The following VGLL4 variants were observed in gnomAD, a reference collection of about 807,000 sequenced individuals.
VGLL4 encodes transcription cofactor vestigial-like protein 4.
VGLL4 carries 7 observed loss-of-function variants against 21.0 expected under a neutral mutation model. The observed-to-expected ratio is 0.33, with a 90% CI of 0.19 to 0.63. The LOEUF is 0.63. Ranked by LOEUF, VGLL4 falls within the 20% of genes least tolerant of loss-of-function variation. The pLI, the probability that VGLL4 is intolerant of heterozygous loss-of-function variation, is 0.78. For missense variants in VGLL4, 394 were observed against 425.7 expected, an observed-to-expected ratio of 0.93 and a Z score of 0.66; for synonymous variants, 222 against 173.2, an observed-to-expected ratio of 1.28 and a Z score of -2.21.
chr3:11,579,217 T>TAAAAAAAAAA (rs34908529), intron 2 of VGLL4, among the ~76,000 whole-genome samples: 1 of 134,634 alleles, frequency 7.4e-6, no homozygotes, highest in Non-Finnish European at 1.6e-5. Flanking sequence ...GCTAACTTTC[T>TAAAAAAAAAA]AAAAAAAAAA....
intron 2 of VGLL4, among the ~76,000 whole-genome samples, chr3:11,673,158 T>C (rs2076241087): frequency 6.6e-6 from 1 of 152,016 alleles, no homozygotes. Flanking sequence ...ACCAGATATC[T>C]GAGGAAAGCT....
At chr3:11,707,891 T>C (rs1264536724) in intron 1 of VGLL4, among the ~76,000 whole-genome samples, 5 of 152,172 alleles carry the variant, frequency 3.3e-5, no homozygotes, top group African/African-American at 1.2e-4. Flanking sequence ...CTGCATTTTA[T>C]GTCTTATATA....
At chr3:11,620,955 G>A (rs1344991908) in intron 1 of VGLL4, among the ~76,000 whole-genome samples, 1 of 152,202 alleles carries the variant, frequency 6.6e-6, no homozygotes, top group East Asian at 1.9e-4. Flanking sequence ...TGTCCAGAGA[G>A]CAGCAGTGAA....
At chr3:11,670,486 G>C (rs573138104) in intron 2 of VGLL4, among the ~76,000 whole-genome samples, 1 of 152,126 alleles carries the variant, frequency 6.6e-6, no homozygotes, top group Non-Finnish European at 1.5e-5. Flanking sequence ...AGGTATGCAC[G>C]CAGCTCTACT....
chr3:11,613,867 C>A (rs1424665485), intron 1 of VGLL4, among the ~76,000 whole-genome samples: 1 of 152,190 alleles, frequency 6.6e-6, no homozygotes, highest in Admixed American at 6.5e-5. Context: ...GTCCTTCTCG[C>A]TACTCATGAC....
At chr3:11,602,794 T>C (rs73025177) in intron 1 of VGLL4, among the ~76,000 whole-genome samples, 15,137 of 152,250 alleles carry the variant, frequency 0.099, 976 homozygotes, top group East Asian at 0.25. Context: ...AGGCAATCAC[T>C]TTGTGCCTCG....
intron 2 of VGLL4, among the ~76,000 whole-genome samples, chr3:11,655,936 C>T (rs537387443): frequency 1.3e-5 from 2 of 152,240 alleles, no homozygotes; most frequent in Non-Finnish European, 2.9e-5. Flanking sequence ...TGGGTGACCA[C>T]TAAACATTTC....
intron 1 of VGLL4, chr3:11,604,244 C>T (rs562937021): frequency 3.0e-5 from 13 of 440,234 alleles, no homozygotes; most frequent in Non-Finnish European, 3.6e-5. Flanking sequence ...AGCTTGCCGG[C>T]GCCGGAAGGA....
intron 2 of VGLL4, among the ~76,000 whole-genome samples, chr3:11,599,561 C>A (rs1410958686): frequency 1.1e-3 from 1 of 896 alleles, no homozygotes; most frequent in Admixed American, 0.014. Context: ...GCTCTGTCAC[C>A]CAGGCTGAGT....
At chr3:11,683,615 G>A (rs910825191) in intron 2 of VGLL4, among the ~76,000 whole-genome samples, 7 of 151,924 alleles carry the variant, frequency 4.6e-5, no homozygotes, top group East Asian at 1.9e-4. Flanking sequence ...CCTAGCCAAC[G>A]AAACCCTGTG....
chr3:11,643,794 A>T lies in VGLL4; in HGVS notation c.-276T>A, dbSNP rs2075742322. 1.7e-6 allele frequency: 2 copies of T among 1,154,516 alleles called. No individual in the cohort carries two copies. The highest frequency in any genetic ancestry group is 2.1e-6 in the Non-Finnish European group (2 of 937,262). 71.5% of individuals were successfully genotyped at this position (1,154,516 alleles called of 1,614,324 possible). On this transcript the variant is annotated 5_prime_UTR_variant, in exon 1 of 5. Transcript: ENST00000430365. ...AAAACAGCGTTTCAGAAGTCCTTAC[A>T]AGTCCTTCCTGGAAATGGAAAAGAG...
At position 11,619,033 on chromosome 3, in the gene VGLL4, G is replaced by T. The variant is rs1201674977; in HGVS notation, c.83-17011C>A. Among the ~76,000 whole-genome samples the T allele has an allele frequency of 2.6e-5, 4 of 152,164 alleles. No homozygotes were observed. The East Asian group carries it at 7.7e-4, about 29-fold the overall frequency. ...CAACCATTGTGCTCAGAAAAGTTGTGGCCGTTTCTGGGCCTACTTCAGATC... is the reference window on the plus strand; with the variant it reads ...CAACCATTGTGCTCAGAAAAGTTGTTGCCGTTTCTGGGCCTACTTCAGATC... On this transcript the variant is annotated intron_variant, in intron 1 of 4. Transcript: ENST00000430365.
intron 2 of VGLL4, among the ~76,000 whole-genome samples, chr3:11,691,101 G>T (rs531461582): frequency 6.6e-6 from 1 of 151,900 alleles, no homozygotes; most frequent in South Asian, 2.1e-4. Context: ...AGCTCTTACA[G>T]AATTGCTACA....
At position 11,598,308 on chromosome 3, in the gene VGLL4, C is replaced by T. The variant is rs114726468; in HGVS notation, c.272+3525G>A. 1.7e-3 allele frequency among the ~76,000 whole-genome samples: 258 copies of T among 151,916 alleles called. 1 individual carries two copies. Among genetic ancestry groups the T allele is most frequent in the African/African-American group, 5.6e-3 (234 of 41,464 alleles). ...TCCCAAAGTGCTAGGATTACAGGCA[C>T]GAGCCACCTCGCCCGGCCTCTGCTG... On this transcript the variant is annotated intron_variant, in intron 2 of 4. Transcript: ENST00000430365.
At chr3:11,612,653 A>G (rs1484282851) in intron 1 of VGLL4, 1 of 152,222 alleles carries the variant, frequency 6.6e-6, no homozygotes, top group Non-Finnish European at 1.5e-5. Flanking sequence ...GCCTCTGAGT[A>G]AACTAGGAAA....
chr3:11,647,112 T>C (rs1192169758), upstream of VGLL4, among the ~76,000 whole-genome samples: 1 of 152,164 alleles, frequency 6.6e-6, no homozygotes, highest in African/African-American at 2.4e-5. Flanking sequence ...ACAGAGAAGC[T>C]TGTGCTCCAG....
chr3:11,579,769 G>A (rs2074174009), intron 2 of VGLL4, among the ~76,000 whole-genome samples: 1 of 152,022 alleles, frequency 6.6e-6, no homozygotes, highest in Non-Finnish European at 1.5e-5. Flanking sequence ...AAACCAGATG[G>A]TAATGGTGAC....
At chr3:11,614,249 G>A (rs532459350) in intron 1 of VGLL4, among the ~76,000 whole-genome samples, 3 of 152,186 alleles carry the variant, frequency 2.0e-5, no homozygotes, top group African/African-American at 7.2e-5. Flanking sequence ...TCAGCCCCAA[G>A]AGCACCCCTT....
chr3:11,702,925 G>C lies in VGLL4; in HGVS notation c.64+46C>G, dbSNP rs768480724. 4.5e-6 allele frequency: 7 copies of C among 1,548,322 alleles called. No individual in the cohort carries two copies. In the East Asian group the frequency reaches 1.6e-4, roughly 35 times the overall value. On this transcript the variant is annotated intron_variant, in intron 2 of 5. Transcript: ENST00000273038. ...TTTTGTTATGGAGCAGAAGACAAGGGATCATTAAAGCACTTAAGCTATTTT... is the reference window on the plus strand; with the variant it reads ...TTTTGTTATGGAGCAGAAGACAAGGCATCATTAAAGCACTTAAGCTATTTT...
Sources: gnomAD v4.1 joint callset for allele counts (sites outside exome capture counted in the v4.1 genomes callset) on GRCh38, gnomAD v4.1.1 for gene constraint, MANE v1.5 for transcripts, NCBI Gene and HGNC (gene_info 2026-07-23, HGNC 2026-07-21) for gene names.